Variants in GPC6 observed in about 807,000 individuals in gnomAD.
GPC6 encodes the protein glypican 6.
In GPC6, 14 loss-of-function variants were observed where a neutral mutation model predicts 55.2. That is an observed-to-expected ratio of 0.25 (90% CI 0.17 to 0.40). The LOEUF (loss-of-function observed/expected upper bound fraction) is 0.40, where lower values mean the gene tolerates loss of function less well. Ranked by LOEUF, GPC6 falls within the 10% of genes least tolerant of loss-of-function variation. GPC6 has a pLI of 1.00. For missense variants in GPC6, 641 were observed against 708.5 expected, an observed-to-expected ratio of 0.90 and a Z score of 1.08; for synonymous variants, 278 against 259.6, an observed-to-expected ratio of 1.07 and a Z score of -0.68.
intron 3 of GPC6, among the ~76,000 whole-genome samples, chr13:93,896,985 CT>C (rs3043489): frequency 0.19 from 26,826 of 138,738 alleles, 3,767 homozygotes; most frequent in African/African-American, 0.4. Flanking sequence ...CCTCATTATT[CT>C]TTTTTTTTTT....
chr13:94,061,915 G>T (rs1295103995), intron 4 of GPC6, among the ~76,000 whole-genome samples: 1 of 152,154 alleles, frequency 6.6e-6, no homozygotes, highest in Non-Finnish European at 1.5e-5. Context: ...GAAGCTAAAA[G>T]AAATGTGTAC....
At chr13:94,012,529 T>C (rs2138700789) in intron 3 of GPC6, among the ~76,000 whole-genome samples, 1 of 152,330 alleles carries the variant, frequency 6.6e-6, no homozygotes, top group Non-Finnish European at 1.5e-5. Flanking sequence ...GATTGATCAA[T>C]AAACAATAGC....
At chr13:93,780,131 A>T (rs1056723526) in intron 2 of GPC6, among the ~76,000 whole-genome samples, 1 of 152,224 alleles carries the variant, frequency 6.6e-6, no homozygotes, top group African/African-American at 2.4e-5. Context: ...AGAAGTAATG[A>T]GGATGAAAAC....
intron 2 of GPC6, among the ~76,000 whole-genome samples, chr13:93,767,092 A>G (rs909047021): frequency 6.6e-6 from 1 of 152,182 alleles, no homozygotes; most frequent in African/African-American, 2.4e-5. Flanking sequence ...CTTCAGTGAC[A>G]TAATTATTTC....
chr13:93,839,920 G>A (rs556234402), intron 3 of GPC6, among the ~76,000 whole-genome samples: 1 of 152,234 alleles, frequency 6.6e-6, no homozygotes, highest in African/African-American at 2.4e-5. Context: ...ATATCAGTCC[G>A]TAGTTTTCTT....
chr13:93,348,223 G>A (rs895375727), intron 1 of GPC6, among the ~76,000 whole-genome samples: 1 of 152,102 alleles, frequency 6.6e-6, no homozygotes, highest in African/African-American at 2.4e-5. Flanking sequence ...ACTAGTATGT[G>A]GTTTGTTCTA....
At chr13:94,333,001 G>A (rs1877503029) in intron 6 of GPC6, among the ~76,000 whole-genome samples, 1 of 152,190 alleles carries the variant, frequency 6.6e-6, no homozygotes, top group South Asian at 2.1e-4. Context: ...TCCCAGGGGC[G>A]ATAGATGAGG....
rs184698258 is a variant in GPC6, at chr13:93,609,584, A to G, written c.319+64163A>G. On this transcript the variant is annotated intron_variant, in intron 2 of 8. Coordinates refer to ENST00000377047, the MANE Select transcript of GPC6 (RefSeq NM_005708.5). ...AACTTCCTAACTGATTTGCTTGGCAATGTGTTGAAAACCCTCCCCACTGTT... is the reference window on the plus strand; with the variant it reads ...AACTTCCTAACTGATTTGCTTGGCAGTGTGTTGAAAACCCTCCCCACTGTT... Among the ~76,000 whole-genome samples, 12 of 152,212 alleles carry G rather than the reference A, an allele frequency of 7.9e-5. No homozygotes were observed. In the South Asian group the frequency reaches 1.2e-3, roughly 16 times the overall value.
At chr13:93,961,649 C>T (rs948473101) in intron 3 of GPC6, among the ~76,000 whole-genome samples, 2 of 152,112 alleles carry the variant, frequency 1.3e-5, no homozygotes, top group African/African-American at 2.4e-5. Context: ...GCCATGATGT[C>T]CCAGACATTG....
At chr13:93,274,491 C>A (rs775873486) in intron 1 of GPC6, among the ~76,000 whole-genome samples, 2 of 152,142 alleles carry the variant, frequency 1.3e-5, no homozygotes, top group Admixed American at 6.5e-5. Flanking sequence ...ATAGAGATTT[C>A]ATTCTAAAAC....
intron 1 of GPC6, among the ~76,000 whole-genome samples, chr13:93,543,647 C>T (rs1049080027): frequency 5.3e-5 from 8 of 152,108 alleles, no homozygotes; most frequent in East Asian, 1.9e-4. Context: ...GTGAATCCAT[C>T]GGGATATCAT....
chr13:94,034,628 T>G (rs1209206588), intron 4 of GPC6, among the ~76,000 whole-genome samples: 1 of 152,078 alleles, frequency 6.6e-6, no homozygotes. Flanking sequence ...TGTGTGTGGG[T>G]GTGTGTATTT....
At chr13:93,306,375 C>A (rs938665044) in intron 1 of GPC6, among the ~76,000 whole-genome samples, 2 of 151,962 alleles carry the variant, frequency 1.3e-5, no homozygotes, top group Non-Finnish European at 2.9e-5. Context: ...GTCTGTCAGC[C>A]AGCATATAAA....
At chr13:93,434,959 C>A (rs1423894188) in intron 1 of GPC6, among the ~76,000 whole-genome samples, 1 of 152,136 alleles carries the variant, frequency 6.6e-6, no homozygotes, top group Non-Finnish European at 1.5e-5. Flanking sequence ...CCTGCCTTGG[C>A]CTCCCAAAGT....
intron 4 of GPC6, among the ~76,000 whole-genome samples, chr13:94,086,867 A>C (rs1241391096): frequency 6.6e-6 from 1 of 152,208 alleles, no homozygotes; most frequent in Admixed American, 6.5e-5. Context: ...CTCGTGAACA[A>C]TTCTAAATAA....
chr13:94,118,713 T>C (rs1344262220), intron 4 of GPC6, among the ~76,000 whole-genome samples: 1 of 152,136 alleles, frequency 6.6e-6, no homozygotes, highest in African/African-American at 2.4e-5. Flanking sequence ...TAGCCACCTT[T>C]CTTGAACTAG....
chr13:93,907,152 A>G (rs1876718350), intron 3 of GPC6, among the ~76,000 whole-genome samples: 2 of 152,176 alleles, frequency 1.3e-5, no homozygotes, highest in Admixed American at 1.3e-4. Flanking sequence ...AATAAGATCT[A>G]CAATCCTTCA....
At chr13:93,236,676 C>G (rs1368965624) in intron 1 of GPC6, among the ~76,000 whole-genome samples, 2 of 152,112 alleles carry the variant, frequency 1.3e-5, no homozygotes, top group Non-Finnish European at 2.9e-5. Flanking sequence ...GTTTCATATC[C>G]AAACCATCCC....
intron 6 of GPC6, among the ~76,000 whole-genome samples, chr13:94,316,997 G>T (rs1021757454): frequency 1.1e-4 from 16 of 152,284 alleles, no homozygotes; most frequent in African/African-American, 3.6e-4. Context: ...ACCTGCTGTT[G>T]TCTTCTTGTA....
Sources: allele counts gnomAD v4.1 joint callset (sites outside exome capture counted in the v4.1 genomes callset), GRCh38; gene constraint gnomAD v4.1.1; transcripts MANE v1.5; gene names NCBI Gene and HGNC (gene_info 2026-07-23, HGNC 2026-07-21).